Variants in PTPN4 observed in about 807,000 individuals in gnomAD.
PTPN4 encodes the protein tyrosine-protein phosphatase non-receptor type 4.
PTPN4 carries 49 observed loss-of-function variants against 135.5 expected under a neutral mutation model. That is an observed-to-expected ratio of 0.36 (90% CI 0.29 to 0.46). PTPN4 has a LOEUF of 0.46. PTPN4 is among the 20% of genes least tolerant of loss of function. The pLI, the probability that PTPN4 is intolerant of heterozygous loss-of-function variation, is 1.00. For missense variants in PTPN4, 860 were observed against 1,101.0 expected (o/e 0.78, Z 3.10); for synonymous variants, 333 against 369.9 (o/e 0.90, Z 1.14).
intron 2 of PTPN4, among the ~76,000 whole-genome samples, chr2:119,847,077 A>G (rs1358678713): frequency 2.0e-5 from 3 of 150,302 alleles, no homozygotes; most frequent in Admixed American, 6.6e-5. Context: ...GGTGCTTTTC[A>G]TTTCTTTCTA....
chr2:119,961,319 G>A (rs1015374690), intron 23 of PTPN4, among the ~76,000 whole-genome samples: 8 of 152,264 alleles, frequency 5.3e-5, no homozygotes, highest in Middle Eastern at 3.4e-3. Flanking sequence ...AGAAGCACAC[G>A]AAAAGGTGCT....
chr2:119,790,562 T>C (rs1013435242), intron 1 of PTPN4, among the ~76,000 whole-genome samples: 8 of 152,058 alleles, frequency 5.3e-5, no homozygotes, highest in Admixed American at 2.0e-4. Flanking sequence ...TATTTTTATA[T>C]TGTTTATGTT....
At chr2:119,853,169 A>G (rs1574370709) in intron 2 of PTPN4, among the ~76,000 whole-genome samples, 2 of 152,316 alleles carry the variant, frequency 1.3e-5, no homozygotes, top group Admixed American at 1.3e-4. Flanking sequence ...TTTTATATCC[A>G]TGCTGATTTT....
At chr2:119,818,308 T>C (rs1677017896) in intron 2 of PTPN4, among the ~76,000 whole-genome samples, 1 of 152,252 alleles carries the variant, frequency 6.6e-6, no homozygotes, top group African/African-American at 2.4e-5. Context: ...CACTTTCCCC[T>C]GCTTTACACA....
At chr2:119,816,670 G>T (rs1676991528) in intron 2 of PTPN4, among the ~76,000 whole-genome samples, 1 of 152,164 alleles carries the variant, frequency 6.6e-6, no homozygotes, top group Non-Finnish European at 1.5e-5. Flanking sequence ...CCATCTGGGG[G>T]TGATGGTAGA....
intron 2 of PTPN4, among the ~76,000 whole-genome samples, chr2:119,845,452 T>C (rs1180968524): frequency 6.6e-6 from 1 of 152,234 alleles, no homozygotes; most frequent in African/African-American, 2.4e-5. Flanking sequence ...TTAATACGTG[T>C]AGTTTGAGTC....
At chr2:119,916,059 G>A (rs1295699939) in intron 11 of PTPN4, 1 of 151,838 alleles carries the variant, frequency 6.6e-6, no homozygotes, top group Admixed American at 6.6e-5. Flanking sequence ...AATTGGCCAG[G>A]TGTGATGATG....
At chr2:119,775,096 G>GAAAAAAAAAACAAAAAAAAAA (rs1690808384) in intron 1 of PTPN4, among the ~76,000 whole-genome samples, 1 of 66,742 alleles carries the variant, frequency 1.5e-5, no homozygotes, top group Non-Finnish European at 2.7e-5. Context: ...GCCCTATTCT[G>GAAAAAAAAAACAAAAAAAAAA]AAAAAAAAAA....
At chr2:119,881,673 A>G in intron 5 of PTPN4, 113 bp from the exon 6 acceptor site, 1 of 708,412 alleles carries the variant, frequency 1.4e-6, no homozygotes, top group South Asian at 2.8e-5. Flanking sequence ...TATGTAAATT[A>G]TAAAAGCAAA....
chr2:119,778,057 T>C (rs1179368042), intron 1 of PTPN4, among the ~76,000 whole-genome samples: 2 of 152,084 alleles, frequency 1.3e-5, no homozygotes, highest in African/African-American at 4.8e-5. Flanking sequence ...ACTAATAAAA[T>C]ATTTTTTGCT....
At chr2:119,813,328 ACCTCCGTCTCCCAGGTTCGAG>A (rs1676929867) in intron 2 of PTPN4, among the ~76,000 whole-genome samples, 1 of 150,522 alleles carries the variant, frequency 6.6e-6, no homozygotes. Context: ...GCTCACCGCA[ACCTCCGTCTCCCAGGTTCGAG>A]CGATTCTCCT....
In PTPN4 at chr2:119,980,431, A is replaced by G. The variant is rs1456997965; in HGVS notation, c.*3361A>G. Reference sequence around the variant, plus strand: ...TACTGCAGCTTGAGAGCTGAAAGGAACTTGAAAAATGTTATCCAGTCTTCA... The same window carrying G: ...TACTGCAGCTTGAGAGCTGAAAGGAGCTTGAAAAATGTTATCCAGTCTTCA... On this transcript the variant is annotated 3_prime_UTR_variant, in exon 27 of 27. Transcript: ENST00000263708. The G allele has an allele frequency of 6.6e-6, 1 of 152,050 alleles. No individual in the cohort carries two copies. The highest frequency in any genetic ancestry group is 1.5e-5 in the Non-Finnish European group (1 of 67,932). The allele number at this position is 152,050 out of a possible 1,614,324, so 9.4% of individuals were successfully genotyped here. A position where few individuals can be genotyped will look rare whatever the true frequency, so the allele number is the denominator to read the frequency against.
intron 9 of PTPN4, among the ~76,000 whole-genome samples, chr2:119,898,996 T>G (rs559328232): frequency 2.4e-4 from 36 of 152,330 alleles, no homozygotes; most frequent in Non-Finnish European, 5.0e-4. Context: ...TACTGTCTTT[T>G]GTATTTGTGA....
intron 13 of PTPN4, among the ~76,000 whole-genome samples, chr2:119,930,779 G>A (rs911913310): frequency 6.6e-6 from 1 of 151,222 alleles, no homozygotes. Context: ...AAGTTTTAAT[G>A]TAATCAGATG....
At chr2:119,884,216 A>G (rs1678122553) in intron 8 of PTPN4, among the ~76,000 whole-genome samples, 1 of 152,208 alleles carries the variant, frequency 6.6e-6, no homozygotes, top group African/African-American at 2.4e-5. Context: ...CTATTTTTAT[A>G]TGGCCCACAG....
At chr2:119,854,058 C>T (rs1041168889) in intron 2 of PTPN4, among the ~76,000 whole-genome samples, 1 of 152,066 alleles carries the variant, frequency 6.6e-6, no homozygotes. Context: ...CTGGAGGAGG[C>T]GGTGTCTGAT....
intron 9 of PTPN4, among the ~76,000 whole-genome samples, chr2:119,893,009 A>G (rs2105009927): frequency 6.6e-6 from 1 of 152,132 alleles, no homozygotes. Context: ...GACTGCAGAC[A>G]TGAGCCACCA....
intron 13 of PTPN4, among the ~76,000 whole-genome samples, chr2:119,930,346 C>A (rs890538631): frequency 6.6e-6 from 1 of 152,164 alleles, no homozygotes; most frequent in Non-Finnish European, 1.5e-5. Context: ...CTATGAATTG[C>A]TGAAATGACA....
intron 11 of PTPN4, 104 bp from the exon 12 acceptor site, chr2:119,919,965 C>G: frequency 7.0e-7 from 1 of 1,422,404 alleles, no homozygotes; most frequent in Non-Finnish European, 9.3e-7. Flanking sequence ...TTAACAAGTT[C>G]ATGTTTACAA....
Sources: gnomAD v4.1 joint callset for allele counts (sites outside exome capture counted in the v4.1 genomes callset) on GRCh38, gnomAD v4.1.1 for gene constraint, MANE v1.5 for transcripts, NCBI Gene and HGNC (gene_info 2026-07-23, HGNC 2026-07-21) for gene names.